The following RNF170 variants were observed in gnomAD, a reference collection of about 807,000 sequenced individuals.
RNF170 encodes the protein E3 ubiquitin-protein ligase RNF170.
In RNF170, 12 loss-of-function variants were observed where a neutral mutation model predicts 32.7. That is an observed-to-expected ratio of 0.37 (90% confidence interval 0.24 to 0.60). The LOEUF (loss-of-function observed/expected upper bound fraction) is 0.60, where lower values mean the gene tolerates loss of function less well. RNF170 is among the 20% of genes least tolerant of loss of function. The probability of loss-of-function intolerance (pLI) is 0.72; values close to 1 mark genes in which losing one functional copy is unlikely to be tolerated. For missense variants in RNF170, 212 were observed against 311.2 expected (o/e 0.68, Z 2.40); for synonymous variants, 91 against 103.6 (o/e 0.88, Z 0.74).
upstream of RNF170, chr8:42,897,125 G>A (rs1807001567): frequency 1.6e-6 from 2 of 1,245,648 alleles, no homozygotes; most frequent in Non-Finnish European, 2.0e-6. Flanking sequence ...TGGCCGCGGC[G>A]GGGAAGATGT....
At chr8:42,851,189 G>C (rs1802931309), downstream of RNF170, among the ~76,000 whole-genome samples, 1 of 152,134 alleles carries the variant, frequency 6.6e-6, no homozygotes, top group African/African-American at 2.4e-5. Flanking sequence ...GGACTGCGGT[G>C]GTGGCAGAGG....
intron 6 of RNF170, among the ~76,000 whole-genome samples, chr8:42,860,860 G>A (rs950230180): frequency 5.9e-5 from 9 of 152,136 alleles, no homozygotes; most frequent in African/African-American, 2.2e-4. Context: ...TAGGATTACA[G>A]GTGCCTGCCA....
chr8:42,891,542 A>G (rs369147829), intron 1 of RNF170, among the ~76,000 whole-genome samples: 5 of 152,312 alleles, frequency 3.3e-5, no homozygotes, highest in South Asian at 4.1e-4. Flanking sequence ...TCAGATCATT[A>G]TAACTGTACA....
chr8:42,853,786 T>G lies in RNF170; in HGVS notation c.*2373A>C, dbSNP rs1301443006. On this transcript the variant is annotated 3_prime_UTR_variant, in exon 7 of 7. Transcript: ENST00000527424. ...ATGACAACAAGCAGGTCTAAAGTTCTGAGATGTTAGCACATACCCTTTTCA... is the reference window on the plus strand; with the variant it reads ...ATGACAACAAGCAGGTCTAAAGTTCGGAGATGTTAGCACATACCCTTTTCA... 1.6e-6 allele frequency: 2 copies of G among 1,287,140 alleles called. No homozygotes were observed. The highest frequency in any genetic ancestry group is 2.0e-6 in the Non-Finnish European group (2 of 988,704). The allele number at this position is 1,287,140 out of a possible 1,614,324, so 79.7% of individuals were successfully genotyped here.
chr8:42,866,575 T>G (rs1586500883), intron 4 of RNF170, among the ~76,000 whole-genome samples: 2 of 147,904 alleles, frequency 1.4e-5, no homozygotes, highest in African/African-American at 5.0e-5. Context: ...AGTGCGAGAC[T>G]CCGTCTCAGA....
intron 4 of RNF170, among the ~76,000 whole-genome samples, chr8:42,866,326 G>A (rs1396613995): frequency 1.3e-5 from 2 of 152,166 alleles, no homozygotes; most frequent in Non-Finnish European, 2.9e-5. Flanking sequence ...TGGATCACGA[G>A]GTCAGGAGTT....
intron 1 of RNF170, among the ~76,000 whole-genome samples, chr8:42,893,558 C>T (rs548864649): frequency 5.3e-5 from 8 of 152,036 alleles, no homozygotes; most frequent in Admixed American, 1.3e-4. Context: ...TTTTTTGGGG[C>T]GGGTGTGGCA....
chr8:42,890,738 T>A (rs1806233147), intron 1 of RNF170, among the ~76,000 whole-genome samples: 1 of 152,176 alleles, frequency 6.6e-6, no homozygotes, highest in South Asian at 2.1e-4. Context: ...CATTTTCTTG[T>A]CCCATGGAAA....
rs745350517 is a variant in RNF170 at position 42,896,562 on chromosome 8, C to G, written c.-86G>C. The G allele has an allele frequency of 2.9e-5, 13 of 453,962 alleles. No homozygotes were observed. Among genetic ancestry groups the G allele is most frequent in the East Asian group, 1.4e-4 (2 of 14,370 alleles). 28.1% of individuals were successfully genotyped at this position (453,962 alleles called of 1,614,324 possible). A position where few individuals can be genotyped will look rare whatever the true frequency, so the allele number is the denominator to read the frequency against. ...ATTTCCAGGACCGCTCCCGCCACCC[C>G]TCCCGGGCAACCCACTAGACGTCCC... On this transcript the variant is annotated 5_prime_UTR_variant, in exon 1 of 7. Transcript: ENST00000527424.
intron 2 of RNF170, among the ~76,000 whole-genome samples, chr8:42,883,570 G>A (rs1342872702): frequency 0.016 from 689 of 43,664 alleles, no homozygotes; most frequent in Non-Finnish European, 0.016. Flanking sequence ...CTCTGTCTCA[G>A]AAAAAAAAAA....
chr8:42,856,500 T>C, intron 6 of RNF170, 72 bp from the exon 7 acceptor site: 1 of 1,092,814 alleles, frequency 9.2e-7, no homozygotes, highest in Non-Finnish European at 1.4e-6. Flanking sequence ...ATAATTTTCT[T>C]ACTATATGTA....
downstream of RNF170, among the ~76,000 whole-genome samples, chr8:42,851,579 A>AAG (rs923057415): frequency 6.6e-6 from 1 of 150,932 alleles, no homozygotes; most frequent in African/African-American, 2.5e-5. Context: ...AAAAAAAAAA[A>AAG]AGAAAGAAAA....
intron 2 of RNF170, among the ~76,000 whole-genome samples, chr8:42,876,311 A>T (rs1306043265): frequency 1.3e-5 from 2 of 151,886 alleles, no homozygotes; most frequent in African/African-American, 2.4e-5. Flanking sequence ...GTGAAGCCAA[A>T]CAACAAGAAC....
intron 4 of RNF170, among the ~76,000 whole-genome samples, chr8:42,868,820 C>G (rs1188668583): frequency 6.6e-6 from 1 of 150,434 alleles, no homozygotes; most frequent in African/African-American, 2.5e-5. Context: ...CCATTGCACT[C>G]CAGTCTGGGC....
chr8:42,895,656 A>C (rs1806742226), intron 1 of RNF170, among the ~76,000 whole-genome samples: 1 of 152,202 alleles, frequency 6.6e-6, no homozygotes. Context: ...GAATGGATTC[A>C]CTGTTCTATT....
chr8:42,871,026 T>C (rs1407412436), intron 3 of RNF170, among the ~76,000 whole-genome samples: 2 of 151,884 alleles, frequency 1.3e-5, no homozygotes, highest in Non-Finnish European at 2.9e-5. Flanking sequence ...CTGGTCAACA[T>C]GGTGAAACCC....
At position 42,866,736 on chromosome 8, in the gene RNF170, A is replaced by G. The variant is rs112396858; in HGVS notation, c.323-1247T>C. 1.9e-3 allele frequency among the ~76,000 whole-genome samples: 282 copies of G among 152,348 alleles called. 2 individuals are homozygous for G. Among genetic ancestry groups the G allele is most frequent in the Non-Finnish European group, 3.6e-3 (243 of 68,024 alleles). On this transcript the variant is annotated intron_variant, in intron 4 of 6. Transcript: ENST00000527424. ...TTTCTGCTTGAAGGTATTCATGAGCAGCAAGCCAGCCGAAGATGGGCAACA... is the reference window on the plus strand; with the variant it reads ...TTTCTGCTTGAAGGTATTCATGAGCGGCAAGCCAGCCGAAGATGGGCAACA...
upstream of RNF170, chr8:42,897,260 C>T (rs975810975): frequency 4.6e-6 from 5 of 1,084,078 alleles, no homozygotes; most frequent in Non-Finnish European, 5.9e-6. Context: ...CACGCGCGGC[C>T]CGTGGGGCGA....
chr8:42,854,284 A>G lies in RNF170; in HGVS notation c.*1875T>C. 1 of 1,287,220 alleles carries G rather than the reference A, an allele frequency of 7.8e-7. No individual in the cohort carries two copies. Among genetic ancestry groups the G allele is most frequent in the Non-Finnish European group, 1.0e-6 (1 of 988,690 alleles). The allele number at this position is 1,287,220 out of a possible 1,614,324, so 79.7% of individuals were successfully genotyped here. ...CAGTTTCTCTCTTGCTGTTCCTCTT[A>G]ACAACTTTCACGTCTATCTAAACAT... On this transcript the variant is annotated 3_prime_UTR_variant, in exon 7 of 7. Transcript: ENST00000527424.
Sources: gnomAD v4.1 joint callset for allele counts (sites outside exome capture counted in the v4.1 genomes callset) on GRCh38, gnomAD v4.1.1 for gene constraint, MANE v1.5 for transcripts, NCBI Gene and HGNC (gene_info 2026-07-23, HGNC 2026-07-21) for gene names.